ATCAY: variants seen among roughly 807,000 people sequenced by gnomAD.
The protein encoded by ATCAY is caytaxin.
A neutral mutation model predicts 47.7 loss-of-function variants in ATCAY; 22 were observed. That is an observed-to-expected ratio of 0.46 (90% confidence interval 0.33 to 0.66). The LOEUF is 0.66. Ranked by LOEUF, ATCAY falls within the 30% of genes least tolerant of loss-of-function variation. The pLI, the probability that ATCAY is intolerant of heterozygous loss-of-function variation, is 0.02. For missense variants in ATCAY, 452 were observed against 515.0 expected (o/e 0.88, Z 1.18); for synonymous variants, 216 against 207.6 (o/e 1.04, Z -0.35).
intron 7 of ATCAY, 81 bp from the exon 8 acceptor site, chr19:3,910,722 G>A: frequency 7.2e-7 from 1 of 1,389,144 alleles, no homozygotes; most frequent in South Asian, 1.2e-5. Flanking sequence ...GCTTGCTTGT[G>A]GCTCTCCCGT....
intron 8 of ATCAY, among the ~76,000 whole-genome samples, chr19:3,913,423 AC>A (rs1171086626): frequency 6.6e-6 from 1 of 152,180 alleles, no homozygotes; most frequent in African/African-American, 2.4e-5. Context: ...CAGAGGAGCA[AC>A]TTTTAGAGAT....
chr19:3,907,372 C>G lies in ATCAY; in HGVS notation c.359-362C>G, dbSNP rs996768656. Among the ~76,000 whole-genome samples the G allele has an allele frequency of 6.6e-6, 1 of 152,120 alleles. No individual in the cohort carries two copies. Among genetic ancestry groups the G allele is most frequent in the African/African-American group, 2.4e-5 (1 of 41,428 alleles). The stretch of plus-strand genomic sequence containing the variant: ...GGCAGGAGGACTGCTCTCTGTGTGC[C>G]AGGCTCCTGGGAGAGTAAAAACCAA... On this transcript the variant is annotated intron_variant, in intron 4 of 12. Transcript: ENST00000450849. This position sits in a 1 kb window ranked among gnomAD's most constrained non-coding sequence, Gnocchi z 5.1.
intron 2 of ATCAY, among the ~76,000 whole-genome samples, chr19:3,895,702 CTTTCT>C (rs1191861120): frequency 6.8e-6 from 1 of 147,740 alleles, no homozygotes; most frequent in Non-Finnish European, 1.5e-5. Context: ...TTCTTTTTTT[CTTTCT>C]TTTCTTTTCT....
In ATCAY at chr19:3,907,152, A is replaced by G. The variant is rs547505683; in HGVS notation, c.359-582A>G. On this transcript the variant is annotated intron_variant, in intron 4 of 12. Transcript: ENST00000450849. The surrounding 1 kb of genome is among the most constrained non-coding windows in gnomAD (Gnocchi z 5.1). ...CTCTCAAAAAAAAAAAAGAAAGAAA[A>G]AAAAAAATTAAGGACAATGTAGTGG... Among the ~76,000 whole-genome samples, 129 of 151,822 alleles carry G rather than the reference A, an allele frequency of 8.5e-4. No individual in the cohort carries two copies. Among genetic ancestry groups the G allele is most frequent in the Admixed American group, 2.9e-3 (44 of 15,198 alleles).
At chr19:3,917,408 C>T (rs1447137878) in intron 9 of ATCAY, among the ~76,000 whole-genome samples, 1 of 151,554 alleles carries the variant, frequency 6.6e-6, no homozygotes, top group Non-Finnish European at 1.5e-5. Context: ...CATAGGGAAA[C>T]CCCGTCTGTA....
At chr19:3,895,674 A>G (rs1450018682) in intron 2 of ATCAY, among the ~76,000 whole-genome samples, 1 of 145,522 alleles carries the variant, frequency 6.9e-6, no homozygotes, top group Non-Finnish European at 1.5e-5. Context: ...CTTTCCCAGT[A>G]TGTGCAGCTG....
chr19:3,896,979 G>T (rs2145232986), intron 2 of ATCAY, among the ~76,000 whole-genome samples: 1 of 151,880 alleles, frequency 6.6e-6, no homozygotes, highest in African/African-American at 2.4e-5. Context: ...GTTTTGCCAT[G>T]CTGACCAGGC....
chr19:3,926,097 G>A lies in ATCAY; in HGVS notation c.*1505G>A, dbSNP rs553418221. On this transcript the variant is annotated 3_prime_UTR_variant, in exon 13 of 13. Transcript: ENST00000450849. ...GAGGTGGGTGGATCACCTGAGGTCA[G>A]GAGTTCAAGACCAGCCTGGTGAACA... The A allele has an allele frequency of 6.6e-6, 1 of 152,232 alleles. No homozygotes were observed. The highest frequency in any genetic ancestry group is 1.5e-5 in the Non-Finnish European group (1 of 68,078). The allele number at this position is 152,232 out of a possible 1,614,324, so 9.4% of individuals were successfully genotyped here.
At chr19:3,904,954 G>T (rs1464993830) in intron 3 of ATCAY, among the ~76,000 whole-genome samples, 3 of 152,104 alleles carry the variant, frequency 2.0e-5, no homozygotes, top group East Asian at 3.9e-4. Flanking sequence ...CCGCCTCCTG[G>T]GCTCAAGTGA....
chr19:3,894,044 A>G (rs2038743117), intron 2 of ATCAY, among the ~76,000 whole-genome samples: 1 of 152,040 alleles, frequency 6.6e-6, no homozygotes, highest in Non-Finnish European at 1.5e-5. Flanking sequence ...CATCATGCTT[A>G]AAAGTCTACA....
rs2038916622 is a variant in ATCAY at position 3,910,885 on chromosome 19, A to C, written c.862A>C (p.Ile288Leu). The change falls in exon 8 of 13, where the codon ATC becomes CTC. Residue 288 changes from isoleucine to leucine, a missense_variant. Physicochemically the swap from Ile to Leu is conservative, Grantham distance 5. Transcript: ENST00000450849. Reference protein sequence around the residue: ...RTVLAISRPFISVKFINKIQY... With the variant: ...RTVLAISRPFLSVKFINKIQY... ...TGTGCTGGCCATCTCTCGCCCTTTC[A>C]TCAGGTGAGACGGGGAGGCTGCAAC... The C allele has an allele frequency of 6.2e-7, 1 of 1,613,942 alleles. No individual in the cohort carries two copies. The highest frequency in any genetic ancestry group is 2.2e-5 in the East Asian group (1 of 44,876).
intron 10 of ATCAY, among the ~76,000 whole-genome samples, chr19:3,918,568 A>T (rs1321220468): frequency 2.4e-5 from 3 of 125,150 alleles, no homozygotes; most frequent in African/African-American, 8.7e-5. Context: ...AAAAAAAACA[A>T]AAAAAAACAG....
intron 3 of ATCAY, among the ~76,000 whole-genome samples, chr19:3,904,745 G>A (rs1367409022): frequency 6.6e-6 from 1 of 152,066 alleles, no homozygotes; most frequent in Admixed American, 6.6e-5. Flanking sequence ...GCCTGACATC[G>A]TTACAGGATC....
intron 1 of ATCAY, among the ~76,000 whole-genome samples, chr19:3,885,369 C>A (rs558031783): frequency 6.6e-6 from 1 of 152,036 alleles, no homozygotes; most frequent in South Asian, 2.1e-4. Context: ...GCCTGGCCAA[C>A]ATGGCGAAAC....
At chr19:3,918,576 C>T (rs2038987852) in intron 10 of ATCAY, among the ~76,000 whole-genome samples, 1 of 149,174 alleles carries the variant, frequency 6.7e-6, no homozygotes, top group African/African-American at 2.5e-5. Flanking sequence ...CAAAAAAAAA[C>T]AGCCTTTATC....
intron 2 of ATCAY, among the ~76,000 whole-genome samples, chr19:3,896,590 A>G (rs1726913420): frequency 6.6e-6 from 1 of 151,390 alleles, no homozygotes; most frequent in Non-Finnish European, 1.5e-5. Context: ...ACAGCTTCAT[A>G]TTTCAGCTGC....
chr19:3,920,744 A>T lies in ATCAY; in HGVS notation c.1074-22A>T, dbSNP rs573171457. 5.1e-6 allele frequency: 8 copies of T among 1,571,894 alleles called. No homozygotes were observed. In the South Asian group the frequency reaches 7.4e-5, roughly 14 times the overall value. ...TCCCAAAAATAAGCAAATAACGCCC[A>T]GTCTCCGTCTCTCCTCCACAGGTCT... On this transcript the variant is annotated intron_variant, in intron 11 of 12. Transcript: ENST00000450849.
chr19:3,898,194 T>C (rs2038786005), intron 2 of ATCAY, among the ~76,000 whole-genome samples: 2 of 152,020 alleles, frequency 1.3e-5, no homozygotes, highest in Non-Finnish European at 2.9e-5. Flanking sequence ...TTTCTTTTCT[T>C]TTCTGTTTTG....
chr19:3,917,699 G>C (rs1470599779), intron 9 of ATCAY, 43 bp from the exon 10 acceptor site: 2 of 1,612,386 alleles, frequency 1.2e-6, no homozygotes, highest in Non-Finnish European at 1.7e-6. Flanking sequence ...GTATATCTCA[G>C]GGGAAAGGAA....
Sources: gnomAD v4.1 joint callset for allele counts (sites outside exome capture counted in the v4.1 genomes callset) on GRCh38, gnomAD v4.1.1 for gene constraint, Gnocchi (gnomAD v3.1) non-coding constraint, MANE v1.5 for transcripts, NCBI Gene and HGNC (gene_info 2026-07-23, HGNC 2026-07-21) for gene names.